The following RASA3 variants were observed in gnomAD, a reference collection of about 807,000 sequenced individuals.
RASA3 encodes the protein RAS p21 protein activator 3.
RASA3 carries 73 observed loss-of-function variants against 110.0 expected under a neutral mutation model. The ratio of observed to expected loss-of-function variants is 0.66; its 90% CI spans 0.55 to 0.81. The LOEUF is 0.81. RASA3 is among the 30% of genes least tolerant of loss of function. RASA3 has a pLI of 0.00. For missense variants in RASA3, 976 were observed against 1,113.2 expected (o/e 0.88, Z 1.75); for synonymous variants, 500 against 451.4 (o/e 1.11, Z -1.37).
intron 1 of RASA3, among the ~76,000 whole-genome samples, chr13:114,094,004 C>A (rs914050580): frequency 3.4e-4 from 51 of 151,948 alleles, no homozygotes; most frequent in African/African-American, 1.1e-3. Flanking sequence ...TATTTTGAAT[C>A]CTTTGTCTGA....
intron 1 of RASA3, 123 bp downstream of exon 1, chr13:114,132,312 G>T: frequency 1.9e-6 from 2 of 1,051,062 alleles, no homozygotes; most frequent in Non-Finnish European, 2.5e-6. Flanking sequence ...TCCGGGGAGC[G>T]CGCCGCGCCT....
chr13:114,105,326 C>A (rs1459285708), intron 1 of RASA3, among the ~76,000 whole-genome samples: 3 of 150,862 alleles, frequency 2.0e-5, no homozygotes, highest in African/African-American at 7.4e-5. Flanking sequence ...GGGGTGCTCA[C>A]TGGGCAGCCG....
intron 18 of RASA3, among the ~76,000 whole-genome samples, chr13:114,005,307 T>G (rs2053490156): frequency 6.7e-6 from 1 of 150,148 alleles, no homozygotes; most frequent in African/African-American, 2.5e-5. Flanking sequence ...CGAGCGGGAG[T>G]GGGAGCCGGG....
intron 17 of RASA3, among the ~76,000 whole-genome samples, chr13:114,008,867 G>C (rs564585660): frequency 1.4e-5 from 1 of 71,814 alleles, no homozygotes; most frequent in East Asian, 4.1e-4. Flanking sequence ...TGACTGTGGG[G>C]AGGAGCAGAG....
chr13:114,105,336 G>A (rs115551919), intron 1 of RASA3, among the ~76,000 whole-genome samples: 290 of 147,134 alleles, frequency 2.0e-3, no homozygotes, highest in Admixed American at 4.6e-3. Context: ...CTGGGCAGCC[G>A]TGTGACCAGC....
At chr13:114,124,584 T>C (rs1380629903) in intron 1 of RASA3, among the ~76,000 whole-genome samples, 1 of 152,216 alleles carries the variant, frequency 6.6e-6, no homozygotes, top group Non-Finnish European at 1.5e-5. Flanking sequence ...ACAGGTGACG[T>C]AACCCTCAGT....
chr13:113,983,110 C>T (rs555551465), intron 22 of RASA3, among the ~76,000 whole-genome samples: 6 of 145,818 alleles, frequency 4.1e-5, no homozygotes, highest in Admixed American at 7.0e-5. Context: ...GGGTGCAGAG[C>T]GGAAAAGGCA....
chr13:114,056,346 C>T lies in RASA3; in HGVS notation c.174-4191G>A. The T allele has an allele frequency of 4.2e-6, 3 of 719,978 alleles. No homozygotes were observed. The highest frequency in any genetic ancestry group is 5.1e-6 in the Non-Finnish European group (3 of 587,480). The allele number at this position is 719,978 out of a possible 1,614,324, so 44.6% of individuals were successfully genotyped here. ...TGAGGATGCCAGCGCTAAGCACACC[C>T]CACAAACGGGCGCCGCGCACCTGGC... is the stretch of plus-strand genomic sequence containing the variant. On this transcript the variant is annotated intron_variant, in intron 2 of 23. Transcript: ENST00000334062. The surrounding 1 kb of genome is among the most constrained non-coding windows in gnomAD (Gnocchi z 5.7).
chr13:114,087,562 C>T (rs1022734708), intron 1 of RASA3, among the ~76,000 whole-genome samples: 5 of 152,252 alleles, frequency 3.3e-5, no homozygotes, highest in African/African-American at 1.2e-4. Flanking sequence ...CACCTGCACC[C>T]GCTCTGCAGC....
At chr13:114,037,261 C>A (rs190073376) in intron 4 of RASA3, among the ~76,000 whole-genome samples, 1 of 152,192 alleles carries the variant, frequency 6.6e-6, no homozygotes, top group African/African-American at 2.4e-5. Context: ...TGAAGTTGCA[C>A]CGACTGTCAC....
At position 114,112,502 on chromosome 13, in the gene RASA3, G is replaced by T. The variant is rs144673281; in HGVS notation, c.55+19933C>A. On this transcript the variant is annotated intron_variant, in intron 1 of 23. Transcript: ENST00000334062. This position sits in a 1 kb window ranked among gnomAD's most constrained non-coding sequence, Gnocchi z 4.8. ...CCGGACGGGAACTCTCTGCAGGGCC[G>T]GTGGAAAGAGATCGCCAGCCCCAGC... is the stretch of plus-strand genomic sequence containing the variant. Among the ~76,000 whole-genome samples, 9 of 152,192 alleles carry T rather than the reference G, an allele frequency of 5.9e-5. No homozygotes were observed. Among genetic ancestry groups the T allele is most frequent in the Middle Eastern group, 3.2e-3 (1 of 316 alleles).
chr13:114,031,681 C>G lies in RASA3; in HGVS notation c.373-1794G>C, dbSNP rs927751802. On this transcript the variant is annotated intron_variant, in intron 4 of 23. Transcript: ENST00000334062. ...TGCCTACCTGTGTGTGCCGCTGTCC[C>G]TGTATTTGCTCCAGCCTGAATGGCA... Among the ~76,000 whole-genome samples, 10 of 152,160 alleles carry G rather than the reference C, an allele frequency of 6.6e-5. 2 individuals carry two copies. The South Asian group carries it at 2.1e-3, about 32-fold the overall frequency.
chr13:114,124,829 T>C (rs1022251011), intron 1 of RASA3, among the ~76,000 whole-genome samples: 1 of 152,254 alleles, frequency 6.6e-6, no homozygotes, highest in African/African-American at 2.4e-5. Context: ...GCCGACACTG[T>C]TCTTGCAATC....
chr13:114,009,596 G>C (rs944639537), intron 16 of RASA3, 132 bp from the exon 17 acceptor site: 7 of 667,074 alleles, frequency 1.0e-5, no homozygotes, highest in Non-Finnish European at 1.8e-5. Flanking sequence ...GGTGTTACCG[G>C]GCAAGTGAGA....
At chr13:114,052,641 A>G (rs1456704583) in intron 2 of RASA3, among the ~76,000 whole-genome samples, 1 of 151,554 alleles carries the variant, frequency 6.6e-6, no homozygotes, top group African/African-American at 2.4e-5. Flanking sequence ...TCGGGGAGAG[A>G]CCCCCGCTGC....
chr13:114,022,607 C>T (rs1045757864), intron 8 of RASA3, among the ~76,000 whole-genome samples: 1 of 152,122 alleles, frequency 6.6e-6, no homozygotes, highest in African/African-American at 2.4e-5. Flanking sequence ...GCATCTGGGC[C>T]GGGGAGGGCT....
intron 2 of RASA3, among the ~76,000 whole-genome samples, chr13:114,072,440 T>C (rs1424457676): frequency 6.6e-6 from 1 of 152,210 alleles, no homozygotes; most frequent in African/African-American, 2.4e-5. Context: ...AATAAACACT[T>C]TCTAGGCCTC....
At chr13:114,107,947 G>C (rs9525263) in intron 1 of RASA3, among the ~76,000 whole-genome samples, 110,916 of 152,036 alleles carry the variant, frequency 0.73, 40,621 homozygotes, top group East Asian at 0.81. Context: ...GCCTCAGAGG[G>C]TAAGCCTCTC....
At chr13:114,058,981 T>C (rs2079292782) in intron 2 of RASA3, among the ~76,000 whole-genome samples, 1 of 152,210 alleles carries the variant, frequency 6.6e-6, no homozygotes, top group African/African-American at 2.4e-5. Flanking sequence ...AAGCGCCACT[T>C]GAGCCCAGGA....
Sources: allele counts gnomAD v4.1 joint callset (sites outside exome capture counted in the v4.1 genomes callset), GRCh38; gene constraint gnomAD v4.1.1; non-coding constraint Gnocchi (gnomAD v3.1); transcripts MANE v1.5; gene names NCBI Gene and HGNC (gene_info 2026-07-23, HGNC 2026-07-21).